Variants in STAC observed in about 807,000 individuals in gnomAD.
The protein encoded by STAC is SH3 and cysteine-rich domain-containing protein.
A neutral mutation model predicts 48.8 loss-of-function variants in STAC; 43 were observed. The observed-to-expected ratio is 0.88, with a 90% confidence interval of 0.69 to 1.14. The LOEUF is 1.14. Among genes scored for constraint, STAC ranks in the 50% most tolerant of loss-of-function variants. The probability of loss-of-function intolerance (pLI) is 0.00; values close to 1 mark genes in which losing one functional copy is unlikely to be tolerated. For missense variants in STAC, 497 were observed against 504.0 expected (o/e 0.99, Z 0.13); for synonymous variants, 193 against 179.5 (o/e 1.07, Z -0.60).
In STAC at chr3:36,452,331, A is replaced by ATAG. The variant is rs199686703; in HGVS notation, c.388+8694_388+8696dup. Among the ~76,000 whole-genome samples, 46 of 152,288 alleles carry ATAG rather than the reference A, an allele frequency of 3.0e-4. No homozygotes were observed. The East Asian group carries it at 7.3e-3, about 24-fold the overall frequency. ...TATTTATAATTGCCTTTTGTTTAAT[A>ATAG]TAGTATAACCTTTCAAGGCATGTCT... On this transcript the variant is annotated intron_variant, in intron 2 of 10. Transcript: ENST00000273183.
intron 1 of STAC, among the ~76,000 whole-genome samples, chr3:36,414,463 G>A (rs533162465): frequency 1.3e-5 from 2 of 152,086 alleles, no homozygotes; most frequent in African/African-American, 4.8e-5. Context: ...CCAGTTGATC[G>A]AATGGGCTAC....
chr3:36,500,227 A>G (rs978619770), intron 6 of STAC, among the ~76,000 whole-genome samples: 4 of 152,254 alleles, frequency 2.6e-5, no homozygotes, highest in Non-Finnish European at 4.4e-5. Context: ...TTTTAAGAAC[A>G]CATGTGGTAC....
chr3:36,523,165 G>T (rs1369441160), intron 8 of STAC, among the ~76,000 whole-genome samples: 1 of 152,196 alleles, frequency 6.6e-6, no homozygotes, highest in African/African-American at 2.4e-5. Flanking sequence ...CTCCTCACTG[G>T]TAAGCCATAA....
At chr3:36,487,641 T>C (rs891813091) in intron 5 of STAC, among the ~76,000 whole-genome samples, 6 of 152,196 alleles carry the variant, frequency 3.9e-5, no homozygotes, top group African/African-American at 1.4e-4. Flanking sequence ...AATGGTGGCA[T>C]TGTTTACCAT....
chr3:36,428,446 G>T (rs1296896877), intron 1 of STAC, among the ~76,000 whole-genome samples: 1 of 152,166 alleles, frequency 6.6e-6, no homozygotes, highest in Non-Finnish European at 1.5e-5. Context: ...TTGAATCTGG[G>T]TGAAGGCTAT....
chr3:36,546,254 G>C lies in STAC; in HGVS notation c.1174G>C (p.Gly392Arg). 1 of 1,614,032 alleles carries C rather than the reference G, an allele frequency of 6.2e-7. No homozygotes were observed. The highest frequency in any genetic ancestry group is 8.5e-7 in the Non-Finnish European group (1 of 1,179,946). The change falls in exon 11 of 11, where the codon GGC becomes CGC. Residue 392 changes from glycine to arginine, a missense_variant. Transcript: ENST00000273183. ...FIRVLSGKKK[G>R]LIPLDVLENI ...CAGAGTCCTCAGTGGAAAAAAGAAAGGCCTCATCCCCCTTGATGTACTAGA... is the reference window on the plus strand; with the variant it reads ...CAGAGTCCTCAGTGGAAAAAAGAAACGCCTCATCCCCCTTGATGTACTAGA...
chr3:36,515,233 T>C (rs6797696), intron 8 of STAC, among the ~76,000 whole-genome samples: 109,367 of 151,828 alleles, frequency 0.72, 39,684 homozygotes, highest in African/African-American at 0.78. Flanking sequence ...CAAATAACAA[T>C]GGTTTTAAGA....
chr3:36,507,683 A>G (rs778972516), intron 8 of STAC, among the ~76,000 whole-genome samples: 4 of 152,096 alleles, frequency 2.6e-5, no homozygotes, highest in Non-Finnish European at 5.9e-5. Flanking sequence ...CATTTCTTCT[A>G]AGTTTTCTAG....
chr3:36,389,947 G>C (rs1357235998), intron 1 of STAC, among the ~76,000 whole-genome samples: 1 of 148,120 alleles, frequency 6.8e-6, no homozygotes, highest in African/African-American at 2.5e-5. Context: ...TTTTGCCTCT[G>C]TAACTATAAT....
chr3:36,416,938 C>T (rs980234314), intron 1 of STAC, among the ~76,000 whole-genome samples: 43 of 152,132 alleles, frequency 2.8e-4, no homozygotes, highest in African/African-American at 1.0e-3. Flanking sequence ...TTTATAACCC[C>T]CATCACCCAA....
At chr3:36,488,725 C>A (rs949556082) in intron 5 of STAC, among the ~76,000 whole-genome samples, 3 of 152,152 alleles carry the variant, frequency 2.0e-5, no homozygotes, top group Non-Finnish European at 4.4e-5. Flanking sequence ...GTATTTATCA[C>A]CAGTACTAGA....
chr3:36,400,144 C>G (rs9878326), intron 1 of STAC, among the ~76,000 whole-genome samples: 3,190 of 152,278 alleles, frequency 0.021, 115 homozygotes, highest in African/African-American at 0.072. Context: ...CAGTTTCACA[C>G]AGGATAAGTA....
At position 36,461,628 on chromosome 3, in the gene STAC, CA is replaced by C. The variant is rs1380277878; in HGVS notation, c.388+17989del. The stretch of plus-strand genomic sequence containing the variant: ...ACAAGAAGAGAAAGAAGTGCAGAGG[CA>C]GGGGGCAGGTTGCAGTATCACATGA... On this transcript the variant is annotated intron_variant, in intron 2 of 10. Transcript: ENST00000273183. 2.0e-5 allele frequency among the ~76,000 whole-genome samples: 3 copies of C among 152,180 alleles called. No homozygotes were observed. The East Asian group carries it at 5.8e-4, about 29-fold the overall frequency.
At chr3:36,541,582 T>G (rs963486207) in intron 10 of STAC, among the ~76,000 whole-genome samples, 1 of 152,200 alleles carries the variant, frequency 6.6e-6, no homozygotes, top group African/African-American at 2.4e-5. Flanking sequence ...ATATCAAAGA[T>G]GGAACACTGA....
At chr3:36,419,592 TG>T (rs1212649779) in intron 1 of STAC, among the ~76,000 whole-genome samples, 1 of 152,214 alleles carries the variant, frequency 6.6e-6, no homozygotes, top group East Asian at 1.9e-4. Context: ...GGGCAGCACA[TG>T]ATTTTTAGGG....
At chr3:36,529,082 C>CATTCAAAGT (rs1699006640) in intron 10 of STAC, 97 bp downstream of exon 10, 30 of 1,215,158 alleles carry the variant, frequency 2.5e-5, no homozygotes, top group Non-Finnish European at 3.3e-5. Flanking sequence ...AGTGGGGTCA[C>CATTCAAAGT]ATTCAAAGTA....
At chr3:36,524,711 G>C (rs760325291) in intron 8 of STAC, among the ~76,000 whole-genome samples, 19 of 152,140 alleles carry the variant, frequency 1.2e-4, no homozygotes, top group Non-Finnish European at 2.2e-4. Flanking sequence ...TGTTGAAAAG[G>C]ATTCTAAATC....
At chr3:36,415,389 C>T (rs113517711) in intron 1 of STAC, among the ~76,000 whole-genome samples, 31,035 of 152,154 alleles carry the variant, frequency 0.2, 3,353 homozygotes, top group Admixed American at 0.24. Flanking sequence ...CCCCCAGCCT[C>T]GTTGCCACCT....
At chr3:36,385,698 ACTCT>A (rs1553630249) in intron 1 of STAC, among the ~76,000 whole-genome samples, 4 of 152,058 alleles carry the variant, frequency 2.6e-5, no homozygotes, top group Non-Finnish European at 2.9e-5. Context: ...TAGTATCCTC[ACTCT>A]AACAACATAA....
Sources: allele counts gnomAD v4.1 joint callset (sites outside exome capture counted in the v4.1 genomes callset), GRCh38; gene constraint gnomAD v4.1.1; transcripts MANE v1.5; gene names NCBI Gene and HGNC (gene_info 2026-07-23, HGNC 2026-07-21).